Variants in IL1RAPL1 observed in about 807,000 individuals in gnomAD.
IL1RAPL1 encodes the protein interleukin 1 receptor accessory protein like 1.
A neutral mutation model predicts 48.4 loss-of-function variants in IL1RAPL1; 3 were observed. That is an observed-to-expected ratio of 0.06 (90% CI 0.03 to 0.16). The LOEUF (loss-of-function observed/expected upper bound fraction) is 0.16, where lower values mean the gene tolerates loss of function less well. IL1RAPL1 is among the 10% of genes least tolerant of loss of function. The pLI is 1.00. For missense variants in IL1RAPL1, 349 were observed against 530.6 expected (o/e 0.66, Z 3.36); for synonymous variants, 185 against 187.7 (o/e 0.99, Z 0.12).
At position 29,622,341 on chromosome X, in the gene IL1RAPL1, T is replaced by C. The variant is rs1309454744; in HGVS notation, c.704-46089T>C. ...TTGTTTTGTCTGACTTTAAGTTGTG[T>C]TTAAGTGATTATTTTCTTGGTTTGC... On this transcript the variant is annotated intron_variant, in intron 5 of 10. Transcript: ENST00000378993. Among the ~76,000 whole-genome samples the C allele has an allele frequency of 2.7e-5, 3 of 112,583 alleles. No individual in the cohort carries two copies. In the East Asian group the frequency reaches 8.3e-4, roughly 31 times the overall value.
intron 2 of IL1RAPL1, among the ~76,000 whole-genome samples, chrX:29,230,427 C>T (rs1276104157): frequency 1.0e-5 from 1 of 97,060 alleles, no homozygotes; most frequent in Non-Finnish European, 2.0e-5. Context: ...CTGCTCCCCA[C>T]AGTATCAAAA....
chrX:29,861,321 C>T (rs1467213008), intron 6 of IL1RAPL1, among the ~76,000 whole-genome samples: 1 of 111,148 alleles, frequency 9.0e-6, no homozygotes, highest in African/African-American at 3.3e-5. Context: ...GAGCTCTACC[C>T]CCAGAGAAAT....
intron 6 of IL1RAPL1, among the ~76,000 whole-genome samples, chrX:29,747,801 T>C (rs1020774394): frequency 2.1e-4 from 24 of 112,493 alleles, no homozygotes; most frequent in Admixed American, 1.5e-3. Context: ...GACAGACATT[T>C]ATAAAAGTAA....
chrX:29,468,397 G>A lies in IL1RAPL1; in HGVS notation c.703+69089G>A, dbSNP rs186877091. On this transcript the variant is annotated intron_variant, in intron 5 of 10. Transcript: ENST00000378993. ...AAAAATCCAACCAAATCTCTTACCC[G>A]AGTATCTACATTAATATTGTTTGGT... Among the ~76,000 whole-genome samples, 523 of 112,047 alleles carry A rather than the reference G, an allele frequency of 4.7e-3. 3 individuals are homozygous for A. Among genetic ancestry groups the A allele is most frequent in the African/African-American group, 0.016 (507 of 30,863 alleles).
intron 3 of IL1RAPL1, among the ~76,000 whole-genome samples, chrX:29,287,340 G>A (rs777799743): frequency 1.4e-4 from 16 of 111,503 alleles, no homozygotes; most frequent in African/African-American, 5.2e-4. Flanking sequence ...GTTGAAGGGT[G>A]TCTCTATTAT....
At chrX:29,487,901 T>C (rs890063310) in intron 5 of IL1RAPL1, among the ~76,000 whole-genome samples, 1 of 112,124 alleles carries the variant, frequency 8.9e-6, no homozygotes, top group African/African-American at 3.2e-5. Context: ...CTGAGTATTG[T>C]GTAATCATCT....
intron 1 of IL1RAPL1, among the ~76,000 whole-genome samples, chrX:28,746,873 C>T (rs140346214): frequency 0.047 from 5,204 of 111,060 alleles, 135 homozygotes; most frequent in Non-Finnish European, 0.069. Context: ...TTTAAAATAT[C>T]CCTAATTACT....
chrX:28,599,129 C>T (rs1013875550), intron 1 of IL1RAPL1, among the ~76,000 whole-genome samples: 3 of 108,226 alleles, frequency 2.8e-5, no homozygotes, highest in Non-Finnish European at 3.8e-5. Flanking sequence ...TGATCCCAGC[C>T]GGCTACTCGG....
At chrX:28,962,146 C>T (rs1924795066) in intron 2 of IL1RAPL1, among the ~76,000 whole-genome samples, 1 of 111,583 alleles carries the variant, frequency 9.0e-6, no homozygotes, top group Non-Finnish European at 1.9e-5. Flanking sequence ...AAATATTTTG[C>T]TATGAGACCT....
intron 2 of IL1RAPL1, among the ~76,000 whole-genome samples, chrX:28,926,887 C>T (rs1408140832): frequency 9.0e-6 from 1 of 111,097 alleles, no homozygotes; most frequent in African/African-American, 3.3e-5. Context: ...AATCTACATT[C>T]TCCTCTTCCC....
chrX:29,540,643 T>G (rs976779930), intron 5 of IL1RAPL1, among the ~76,000 whole-genome samples: 1 of 111,653 alleles, frequency 9.0e-6, no homozygotes, highest in Non-Finnish European at 1.9e-5. Context: ...TACAGTCATC[T>G]GATCTTTGAC....
chrX:29,065,302 TG>T (rs1274435723), intron 2 of IL1RAPL1, among the ~76,000 whole-genome samples: 1 of 111,679 alleles, frequency 9.0e-6, no homozygotes, highest in Non-Finnish European at 1.9e-5. Flanking sequence ...ATAAGATTCT[TG>T]GTTGATGATT....
intron 2 of IL1RAPL1, among the ~76,000 whole-genome samples, chrX:28,887,676 CATAA>C (rs1438872277): frequency 2.7e-4 from 30 of 111,795 alleles, no homozygotes; most frequent in African/African-American, 9.1e-4. Flanking sequence ...TTTAACTCTG[CATAA>C]ATAGTGTGAT....
chrX:28,974,261 C>T (rs980507628), intron 2 of IL1RAPL1, among the ~76,000 whole-genome samples: 1 of 111,366 alleles, frequency 9.0e-6, no homozygotes, highest in Non-Finnish European at 1.9e-5. Context: ...ATAGTATTTC[C>T]CATATAGGTA....
At chrX:29,868,379 C>T (rs1215244809) in intron 6 of IL1RAPL1, among the ~76,000 whole-genome samples, 1 of 112,113 alleles carries the variant, frequency 8.9e-6, no homozygotes, top group African/African-American at 3.2e-5. Context: ...TAATTTTATG[C>T]CCCCAGATAT....
intron 5 of IL1RAPL1, among the ~76,000 whole-genome samples, chrX:29,628,564 C>T (rs140494860): frequency 0.098 from 10,879 of 111,312 alleles, 471 homozygotes; most frequent in Middle Eastern, 0.21. Flanking sequence ...ACAAGTGATT[C>T]TAGGACAAAT....
intron 2 of IL1RAPL1, among the ~76,000 whole-genome samples, chrX:28,871,271 G>A (rs2147308115): frequency 8.9e-6 from 1 of 111,779 alleles, no homozygotes; most frequent in Non-Finnish European, 1.9e-5. Context: ...ATAATTCAAG[G>A]ACATGGCTTA....
chrX:29,773,937 C>T (rs1337460409), intron 6 of IL1RAPL1, among the ~76,000 whole-genome samples: 1 of 112,022 alleles, frequency 8.9e-6, no homozygotes, highest in Admixed American at 9.5e-5. Context: ...TTTTATGCCT[C>T]ATGCACATGT....
At chrX:29,600,520 C>A (rs1923688253) in intron 5 of IL1RAPL1, among the ~76,000 whole-genome samples, 1 of 112,119 alleles carries the variant, frequency 8.9e-6, no homozygotes, top group South Asian at 3.7e-4. Flanking sequence ...GGAGCTGGTG[C>A]TTTCAAGAGT....
Sources: gnomAD v4.1 joint callset for allele counts (sites outside exome capture counted in the v4.1 genomes callset) on GRCh38, gnomAD v4.1.1 for gene constraint, MANE v1.5 for transcripts, NCBI Gene and HGNC (gene_info 2026-07-23, HGNC 2026-07-21) for gene names.